GNA12: variants seen among roughly 807,000 people sequenced by gnomAD.
The protein encoded by GNA12 is G protein subunit alpha 12, also known as guanine nucleotide-binding protein subunit alpha-12.
In GNA12, 9 loss-of-function variants were observed where a neutral mutation model predicts 26.0. The ratio of observed to expected loss-of-function variants is 0.35; its 90% confidence interval spans 0.21 to 0.60. GNA12 has a LOEUF of 0.60. GNA12 is among the 20% of genes least tolerant of loss of function. The pLI is 0.78. For synonymous variants in GNA12, 264 were observed against 219.6 expected, an observed-to-expected ratio of 1.20 and a Z score of -1.79; for missense variants, 405 against 525.8, an observed-to-expected ratio of 0.77 and a Z score of 2.25.
chr7:2,840,068 C>A (rs1333398487), intron 1 of GNA12, among the ~76,000 whole-genome samples: 1 of 152,100 alleles, frequency 6.6e-6, no homozygotes, highest in Non-Finnish European at 1.5e-5. Context: ...TACAAAAGAG[C>A]AACATGAAGG....
intron 2 of GNA12, among the ~76,000 whole-genome samples, chr7:2,772,179 C>G (rs1204388112): frequency 6.6e-6 from 1 of 152,160 alleles, no homozygotes; most frequent in Non-Finnish European, 1.5e-5. Flanking sequence ...CGAGAATTCC[C>G]AAGAAAATGA....
At chr7:2,781,843 G>A (rs905732077) in intron 2 of GNA12, among the ~76,000 whole-genome samples, 6 of 152,116 alleles carry the variant, frequency 3.9e-5, no homozygotes, top group East Asian at 1.9e-4. Flanking sequence ...TCAAGGGAAC[G>A]CAAATCAAAA....
intron 2 of GNA12, among the ~76,000 whole-genome samples, chr7:2,759,856 T>C (rs944519420): frequency 1.3e-5 from 2 of 151,796 alleles, no homozygotes; most frequent in Non-Finnish European, 2.9e-5. Context: ...AATGCGATTG[T>C]CCGCCCCCGT....
chr7:2,763,014 G>A (rs1163784662), intron 2 of GNA12: 8 of 1,276,908 alleles, frequency 6.3e-6, no homozygotes, highest in African/African-American at 1.5e-5. Context: ...CAACAGCCCC[G>A]CCGGCCACTG....
intron 1 of GNA12, among the ~76,000 whole-genome samples, chr7:2,810,273 A>G (rs1415747027): frequency 6.6e-6 from 1 of 152,120 alleles, no homozygotes; most frequent in Non-Finnish European, 1.5e-5. Context: ...GTGTCCTCAG[A>G]TGGTGGAAGG....
At chr7:2,829,507 C>T (rs1325463770) in intron 1 of GNA12, among the ~76,000 whole-genome samples, 3 of 152,166 alleles carry the variant, frequency 2.0e-5, no homozygotes, top group Non-Finnish European at 2.9e-5. Context: ...AGATCTATGA[C>T]GATGCTGAGT....
chr7:2,799,107 T>C (rs1792748028), intron 1 of GNA12, among the ~76,000 whole-genome samples: 1 of 152,160 alleles, frequency 6.6e-6, no homozygotes, highest in Non-Finnish European at 1.5e-5. Flanking sequence ...TCCAAATACA[T>C]GATTCACACG....
intron 3 of GNA12, 60 bp downstream of exon 3, chr7:2,733,391 T>TCAAAA: frequency 7.4e-7 from 1 of 1,349,344 alleles, no homozygotes; most frequent in African/African-American, 1.8e-5. Flanking sequence ...ACTGCTTTGG[T>TCAAAA]CTCTGGACAC....
intron 1 of GNA12, among the ~76,000 whole-genome samples, chr7:2,827,742 T>A (rs1279465780): frequency 6.6e-6 from 1 of 152,228 alleles, no homozygotes; most frequent in Non-Finnish European, 1.5e-5. Flanking sequence ...AAGAATCACC[T>A]AATTATAAAA....
At chr7:2,827,232 A>G (rs750540279) in intron 1 of GNA12, among the ~76,000 whole-genome samples, 5 of 152,116 alleles carry the variant, frequency 3.3e-5, no homozygotes, top group Non-Finnish European at 7.4e-5. Flanking sequence ...GGGCCGGGAG[A>G]AGGAGGGAAT....
rs77907772 is a variant in GNA12, at chr7:2,834,960, G to A, written c.309+8893C>T. Among the ~76,000 whole-genome samples, 685 of 151,600 alleles carry A rather than the reference G, an allele frequency of 4.5e-3. 7 individuals carry two copies. The highest frequency in any genetic ancestry group is 0.016 in the African/African-American group (646 of 40,972). On this transcript the variant is annotated intron_variant, in intron 1 of 3. Transcript: ENST00000275364. Reference sequence around the variant, plus strand: ...GTTAAGCAATGCGTGACTATGCATCGCGATGCATGACTATACATTGCGATG... The same window carrying A: ...GTTAAGCAATGCGTGACTATGCATCACGATGCATGACTATACATTGCGATG...
chr7:2,844,066 C>T lies in GNA12; in HGVS notation c.96G>A (p.Ala32=), dbSNP rs978801231. The change falls in exon 1 of 4, where the codon GCG becomes GCA. Residue 32 remains alanine, a synonymous_variant. Transcript: ENST00000275364. ...GGCTACGCCTCCGGGCCTCGCGCTC[C>T]GCGTCGCGCGCGCCGCTGCCCGCCC... ...ERRAGSGARD[A]EREARRRSRD... is the part of the protein sequence containing the mutation. 7 of 1,125,738 alleles carry T rather than the reference C, an allele frequency of 6.2e-6. No individual in the cohort carries two copies. The African/African-American group carries it at 8.3e-5, about 13-fold the overall frequency. The allele number at this position is 1,125,738 out of a possible 1,614,324, so 69.7% of individuals were successfully genotyped here. A position where few individuals can be genotyped will look rare whatever the true frequency, so the allele number is the denominator to read the frequency against.
rs533628487 is a variant in GNA12 at position 2,818,276 on chromosome 7, C to T, written c.310-23133G>A. Among the ~76,000 whole-genome samples the T allele has an allele frequency of 5.1e-4, 77 of 152,240 alleles. 1 individual carries two copies. Among genetic ancestry groups the T allele is most frequent in the Admixed American group, 1.5e-3 (23 of 15,294 alleles). ...GGGGCTGGGGAATTCTGTTTTGGAGCGCCTCACACACTGCAGGACAGTCAG... is the reference window on the plus strand; with the variant it reads ...GGGGCTGGGGAATTCTGTTTTGGAGTGCCTCACACACTGCAGGACAGTCAG... On this transcript the variant is annotated intron_variant, in intron 1 of 3. Coordinates refer to ENST00000275364, the MANE Select transcript of GNA12 (RefSeq NM_007353.3).
At position 2,731,476 on chromosome 7, in the gene GNA12, T is replaced by G; in HGVS notation, c.851A>C (p.Lys284Thr). Residue 284 changes from lysine (K) to threonine (T), a missense_variant, in exon 4 of 4, where the codon AAG (lysine) becomes ACG (threonine). Coordinates refer to ENST00000275364, the MANE Select transcript of GNA12 (RefSeq NM_007353.3). The surrounding 1 kb of genome is among the most constrained non-coding windows in gnomAD (Gnocchi z 6.0). The stretch of plus-strand genomic sequence containing the variant: ...AATGATGGAGACGTTGAAGAAGAGC[T>G]TGTTGTTGACGATGGTCTCGAAGAT... The part of the protein sequence containing the change: ...MNIFETIVNN[K>T]LFFNVSIILF... 6 of 1,613,844 alleles carry G rather than the reference T, an allele frequency of 3.7e-6. No individual in the cohort carries two copies. The highest frequency in any genetic ancestry group is 5.1e-6 in the Non-Finnish European group (6 of 1,179,886).
At chr7:2,814,321 AG>A in intron 1 of GNA12, 14 of 1,569,402 alleles carry the variant, frequency 8.9e-6, no homozygotes, top group Non-Finnish European at 1.2e-5. Flanking sequence ...CCCTGGACCC[AG>A]GGTGTGCAAT....
intron 1 of GNA12, among the ~76,000 whole-genome samples, chr7:2,816,758 C>G (rs1793227682): frequency 6.6e-6 from 1 of 152,206 alleles, no homozygotes; most frequent in African/African-American, 2.4e-5. Context: ...TGTCCAGGCA[C>G]AGGTCTAGCA....
intron 2 of GNA12, among the ~76,000 whole-genome samples, chr7:2,767,851 A>G (rs1409170185): frequency 6.6e-6 from 1 of 152,114 alleles, no homozygotes; most frequent in Non-Finnish European, 1.5e-5. Context: ...AATGGAGACT[A>G]TATTTTATTT....
At chr7:2,788,693 A>C (rs951176035) in intron 2 of GNA12, among the ~76,000 whole-genome samples, 25 of 152,228 alleles carry the variant, frequency 1.6e-4, no homozygotes, top group Non-Finnish European at 3.4e-4. Context: ...GCCAGGAAAG[A>C]AGCAGATGGG....
chr7:2,820,401 CTTT>C (rs35674433), intron 1 of GNA12, among the ~76,000 whole-genome samples: 6 of 126,356 alleles, frequency 4.7e-5, no homozygotes, highest in African/African-American at 1.2e-4. Context: ...CTCAATAAAG[CTTT>C]TTTTTTTTTT....
Sources: gnomAD v4.1 joint callset for allele counts (sites outside exome capture counted in the v4.1 genomes callset) on GRCh38, gnomAD v4.1.1 for gene constraint, Gnocchi (gnomAD v3.1) non-coding constraint, MANE v1.5 for transcripts, NCBI Gene and HGNC (gene_info 2026-07-23, HGNC 2026-07-21) for gene names.